Variants in NARS2 observed in about 807,000 individuals in gnomAD.
NARS2 encodes the protein asparaginyl-tRNA synthetase.
A neutral mutation model predicts 62.9 loss-of-function variants in NARS2; 60 were observed. The ratio of observed to expected loss-of-function variants is 0.95; its 90% CI spans 0.77 to 1.18. NARS2 has a LOEUF of 1.18. Among genes scored for constraint, NARS2 ranks in the 50% most tolerant of loss-of-function variants. The pLI is 0.00. For synonymous variants in NARS2, 196 were observed against 200.0 expected (o/e 0.98, Z 0.17); for missense variants, 619 against 576.4 (o/e 1.07, Z -0.76).
chr11:78,541,385 G>C (rs891137063), intron 5 of NARS2, among the ~76,000 whole-genome samples: 2 of 148,996 alleles, frequency 1.3e-5, no homozygotes, highest in Non-Finnish European at 3.0e-5. Context: ...GGCTGGTCTT[G>C]AACTCCTGGG....
At chr11:78,571,860 G>A (rs534289525) in intron 1 of NARS2, among the ~76,000 whole-genome samples, 2 of 152,192 alleles carry the variant, frequency 1.3e-5, no homozygotes, top group South Asian at 2.1e-4. Context: ...ATCTCACTGC[G>A]CTGCCCAGAA....
At chr11:78,478,140 GT>G (rs1859184725) in intron 9 of NARS2, among the ~76,000 whole-genome samples, 1 of 151,910 alleles carries the variant, frequency 6.6e-6, no homozygotes, top group Non-Finnish European at 1.5e-5. Context: ...GTTAGTATAA[GT>G]TTGAATTATA....
In NARS2 at chr11:78,505,307, CACACACACACACACACAT is replaced by C. The variant is rs780669291; in HGVS notation, c.690-12130_690-12113del. On this transcript the variant is annotated intron_variant, in intron 6 of 13. Transcript: ENST00000281038. Reference sequence around the variant, plus strand: ...ACACACACACACACACACACACACACACACACACACACACACATACGTATGTATATATCTTATGTTAAA... The same window carrying C: ...ACACACACACACACACACACACACACACGTATGTATATATCTTATGTTAAA... 9.0e-3 allele frequency among the ~76,000 whole-genome samples: 1,289 copies of C among 143,990 alleles called. 10 individuals are homozygous for C. The highest frequency in any genetic ancestry group is 0.017 in the Middle Eastern group (5 of 292). The allele number at this position is 143,990 out of a possible 152,430, so 94.5% of individuals were successfully genotyped here.
intron 6 of NARS2, among the ~76,000 whole-genome samples, chr11:78,527,362 T>A (rs774684203): frequency 7.9e-5 from 12 of 152,192 alleles, no homozygotes; most frequent in Admixed American, 1.3e-4. Flanking sequence ...TCCGTAGGCA[T>A]AAGAACATTC....
At chr11:78,541,020 G>A (rs920240368) in intron 5 of NARS2, among the ~76,000 whole-genome samples, 2 of 152,062 alleles carry the variant, frequency 1.3e-5, no homozygotes, top group African/African-American at 2.4e-5. Context: ...TTAGCCAGGC[G>A]TGGTGGCGCA....
chr11:78,493,977 A>C (rs1859943200), intron 6 of NARS2, among the ~76,000 whole-genome samples: 1 of 152,242 alleles, frequency 6.6e-6, no homozygotes, highest in Non-Finnish European at 1.5e-5. Flanking sequence ...AGAAAAAAGA[A>C]CGTCAGATAC....
At chr11:78,533,655 C>G (rs1294282877) in intron 5 of NARS2, among the ~76,000 whole-genome samples, 2 of 152,144 alleles carry the variant, frequency 1.3e-5, no homozygotes, top group African/African-American at 4.8e-5. Context: ...CTTAGGCAAC[C>G]AAGGAGTCTC....
At chr11:78,520,075 T>A (rs1001653377) in intron 6 of NARS2, among the ~76,000 whole-genome samples, 1 of 152,112 alleles carries the variant, frequency 6.6e-6, no homozygotes, top group African/African-American at 2.4e-5. Context: ...TATAAAAAAA[T>A]AATAATTCAC....
chr11:78,571,305 C>A, intron 2 of NARS2, 30 bp downstream of exon 2: 1 of 1,470,196 alleles, frequency 6.8e-7, no homozygotes, highest in Non-Finnish European at 9.5e-7. Context: ...AAACAAAAAT[C>A]AAAGAATTCT....
intron 1 of NARS2, among the ~76,000 whole-genome samples, chr11:78,572,772 GA>G (rs1347357951): frequency 1.3e-5 from 2 of 152,074 alleles, no homozygotes; most frequent in Admixed American, 1.3e-4. Context: ...AAAAATAGAT[GA>G]AATATTTCAC....
chr11:78,470,244 C>T (rs1406169511), intron 9 of NARS2, among the ~76,000 whole-genome samples: 2 of 152,162 alleles, frequency 1.3e-5, no homozygotes, highest in East Asian at 3.9e-4. Flanking sequence ...CACCCTCATG[C>T]CTAAAGTAAG....
At chr11:78,521,984 CTT>C (rs1156737168) in intron 6 of NARS2, among the ~76,000 whole-genome samples, 1 of 152,104 alleles carries the variant, frequency 6.6e-6, no homozygotes, top group Non-Finnish European at 1.5e-5. Flanking sequence ...ATCTCCTCCC[CTT>C]TTTGTTGCCC....
chr11:78,559,663 C>G, intron 4 of NARS2, 44 bp from the exon 5 acceptor site: 1 of 1,326,388 alleles, frequency 7.5e-7, no homozygotes, highest in Non-Finnish European at 1.1e-6. Context: ...GCACATTCAA[C>G]AATTCCAAGA....
chr11:78,492,866 T>C (rs1452395877), intron 7 of NARS2, among the ~76,000 whole-genome samples, 197 bp downstream of exon 7: 1 of 152,204 alleles, frequency 6.6e-6, no homozygotes, highest in East Asian at 1.9e-4. Flanking sequence ...ATGGCAGAGC[T>C]GGGATATAAA....
chr11:78,563,843 A>AT (rs1162996794), intron 4 of NARS2, among the ~76,000 whole-genome samples: 9 of 75,302 alleles, frequency 1.2e-4, no homozygotes, highest in African/African-American at 4.4e-4. Flanking sequence ...AAAAAAAAAA[A>AT]AAAAAAAAAT....
chr11:78,501,984 A>G (rs1222552593), intron 6 of NARS2, among the ~76,000 whole-genome samples: 1 of 152,250 alleles, frequency 6.6e-6, no homozygotes, highest in African/African-American at 2.4e-5. Flanking sequence ...CATACAATGG[A>G]ATAATTTTCA....
intron 6 of NARS2, 103 bp from the exon 7 acceptor site, chr11:78,493,298 C>CT (rs1859910440): frequency 9.6e-7 from 1 of 1,046,350 alleles, no homozygotes; most frequent in African/African-American, 1.6e-5. Flanking sequence ...TTGTGTGCCT[C>CT]TGTCTTGTCC....
intron 9 of NARS2, among the ~76,000 whole-genome samples, chr11:78,475,546 C>T (rs550697523): frequency 9.3e-5 from 14 of 149,778 alleles, no homozygotes; most frequent in African/African-American, 3.2e-4. Flanking sequence ...GGTTCCCAAG[C>T]GCCACATCTT....
At chr11:78,467,571 T>TAAATAAATAAATA (rs1399736903) in intron 10 of NARS2, among the ~76,000 whole-genome samples, 2 of 150,194 alleles carry the variant, frequency 1.3e-5, no homozygotes, top group African/African-American at 4.9e-5. Context: ...ATAAATAAAT[T>TAAATAAATAAATA]AATTAATTAA....
Sources: gnomAD v4.1 joint callset for allele counts (sites outside exome capture counted in the v4.1 genomes callset) on GRCh38, gnomAD v4.1.1 for gene constraint, MANE v1.5 for transcripts, NCBI Gene and HGNC (gene_info 2026-07-23, HGNC 2026-07-21) for gene names.